Variants in HSF5 observed in about 807,000 individuals in gnomAD.
HSF5 encodes the protein heat shock transcription factor 5, also known as heat shock factor protein 5.
Under a neutral mutation model 50.8 loss-of-function variants are expected in HSF5, and 5 were observed. The ratio of observed to expected loss-of-function variants is 0.10; its 90% CI spans 0.05 to 0.21. The LOEUF is 0.21. HSF5 is among the 10% of genes least tolerant of loss of function. HSF5 has a pLI of 1.00. For synonymous variants in HSF5, 307 were observed against 307.4 expected, an observed-to-expected ratio of 1.00 and a Z score of 0.02; for missense variants, 564 against 762.6, an observed-to-expected ratio of 0.74 and a Z score of 3.07.
chr17:58,427,590 T>G (rs1011480358), intron 5 of HSF5, among the ~76,000 whole-genome samples: 1 of 152,240 alleles, frequency 6.6e-6, no homozygotes, highest in Middle Eastern at 3.2e-3. Flanking sequence ...TGAGAGATAC[T>G]CTTAATGATA....
In HSF5 at chr17:58,425,554, A is replaced by G. The variant is rs1974283915; in HGVS notation, c.1721-3124T>C. Among the ~76,000 whole-genome samples the G allele has an allele frequency of 6.8e-5, 10 of 146,212 alleles. No homozygotes were observed. The South Asian group carries it at 2.2e-3, about 33-fold the overall frequency. On this transcript the variant is annotated intron_variant, in intron 5 of 5. Coordinates refer to ENST00000323777, the MANE Select transcript of HSF5 (RefSeq NM_001080439.3). Reference sequence around the variant, plus strand: ...ATAGCCACTGCACTCCAGCCTGGGCAACATAGTAAGACCTCTATCTCAAAA... The same window carrying G: ...ATAGCCACTGCACTCCAGCCTGGGCGACATAGTAAGACCTCTATCTCAAAA...
chr17:58,484,993 C>T (rs562645761), intron 1 of HSF5, among the ~76,000 whole-genome samples: 5 of 143,186 alleles, frequency 3.5e-5, no homozygotes, highest in South Asian at 2.2e-4. Context: ...CTCACTCTGT[C>T]GCCCAGGCTG....
At chr17:58,460,327 T>A (rs1974773679) in intron 4 of HSF5, among the ~76,000 whole-genome samples, 1 of 152,180 alleles carries the variant, frequency 6.6e-6, no homozygotes, top group South Asian at 2.1e-4. Context: ...CCTAAGTTTC[T>A]TTCTTACAGT....
intron 2 of HSF5, among the ~76,000 whole-genome samples, chr17:58,467,200 C>T (rs1427090888): frequency 6.6e-6 from 1 of 152,158 alleles, no homozygotes; most frequent in Non-Finnish European, 1.5e-5. Flanking sequence ...TGTCTAATGT[C>T]TATTTTTATA....
chr17:58,426,131 T>C (rs1463001016), intron 5 of HSF5, among the ~76,000 whole-genome samples: 1 of 152,192 alleles, frequency 6.6e-6, no homozygotes, highest in African/African-American at 2.4e-5. Flanking sequence ...GTAGTAATTA[T>C]TGATAAGGAC....
intron 5 of HSF5, among the ~76,000 whole-genome samples, chr17:58,437,887 C>G (rs1974446808): frequency 6.6e-6 from 1 of 152,094 alleles, no homozygotes; most frequent in African/African-American, 2.4e-5. Context: ...ATTTTGAGTA[C>G]CTTTGGGAAT....
Position 58,420,241 on chromosome 17 carries a change from C to T in HSF5, c.*2119G>A, listed in dbSNP as rs1214132934. The T allele has an allele frequency of 6.6e-6, 1 of 152,188 alleles. No individual in the cohort carries two copies. Among genetic ancestry groups the T allele is most frequent in the African/African-American group, 2.4e-5 (1 of 41,442 alleles). The allele number at this position is 152,188 out of a possible 1,614,324, so 9.4% of individuals were successfully genotyped here. A position where few individuals can be genotyped will look rare whatever the true frequency, so the allele number is the denominator to read the frequency against. On this transcript the variant is annotated 3_prime_UTR_variant, in exon 6 of 6. Coordinates refer to ENST00000323777, the MANE Select transcript of HSF5 (RefSeq NM_001080439.3). ...CTTAAGGTGCTGAAATACTGAGGTA[C>T]TAGTCAGGAACCTTGTTAGTTGACT...
At chr17:58,477,634 G>C (rs1019036910) in intron 2 of HSF5, among the ~76,000 whole-genome samples, 1 of 151,106 alleles carries the variant, frequency 6.6e-6, no homozygotes, top group East Asian at 1.9e-4. Flanking sequence ...TAATTTTTTT[G>C]TATTTTTAGT....
At chr17:58,476,787 T>C in intron 2 of HSF5, 1 of 1,596,814 alleles carries the variant, frequency 6.3e-7, no homozygotes. Flanking sequence ...TGTTCTACTT[T>C]CAAAATCTCC....
At chr17:58,433,171 G>C (rs989750434) in intron 5 of HSF5, among the ~76,000 whole-genome samples, 2 of 152,116 alleles carry the variant, frequency 1.3e-5, no homozygotes, top group African/African-American at 4.8e-5. Context: ...CTGCCACCAA[G>C]CATGTTTTTT....
chr17:58,480,265 G>C lies in HSF5; in HGVS notation c.553C>G (p.Pro185Ala). ...CGGTGAAATTGTCCTACAGCCACTGGTCCTACATAAAAGAGGAAGAGCACA... is the reference window on the plus strand; with the variant it reads ...CGGTGAAATTGTCCTACAGCCACTGCTCCTACATAAAAGAGGAAGAGCACA... Reference protein sequence around the residue: ...PAGPRPEPHGPVAVGQFHRSF... With the variant: ...PAGPRPEPHGAVAVGQFHRSF... Residue 185 changes from proline (P) to alanine (A), a missense_variant and splice_region_variant, in exon 2 of 6, where the codon CCA becomes GCA. Physicochemically the swap from Pro to Ala is conservative, Grantham distance 27. Coordinates refer to ENST00000323777, the MANE Select transcript of HSF5 (RefSeq NM_001080439.3). 1 of 1,598,924 alleles carries C rather than the reference G, an allele frequency of 6.3e-7. No individual in the cohort carries two copies. Among genetic ancestry groups the C allele is most frequent in the Non-Finnish European group, 8.5e-7 (1 of 1,172,592 alleles).
intron 1 of HSF5, among the ~76,000 whole-genome samples, chr17:58,485,112 G>A (rs932825537): frequency 4.0e-5 from 6 of 151,562 alleles, no homozygotes; most frequent in African/African-American, 9.7e-5. Flanking sequence ...CCGCCACCAC[G>A]CCCAGCTAAT....
At chr17:58,467,585 T>C (rs777548634) in intron 2 of HSF5, among the ~76,000 whole-genome samples, 1 of 152,254 alleles carries the variant, frequency 6.6e-6, no homozygotes, top group Non-Finnish European at 1.5e-5. Context: ...TCTGTGTACC[T>C]CAGTTTCTGC....
At chr17:58,437,776 T>TA (rs1414803750) in intron 5 of HSF5, among the ~76,000 whole-genome samples, 5 of 152,204 alleles carry the variant, frequency 3.3e-5, no homozygotes, top group African/African-American at 4.8e-5. Flanking sequence ...GGTTGCACAG[T>TA]ATTTTATTAT....
intron 5 of HSF5, among the ~76,000 whole-genome samples, chr17:58,453,602 C>G (rs1180432386): frequency 6.9e-6 from 1 of 145,386 alleles, no homozygotes; most frequent in African/African-American, 2.6e-5. Flanking sequence ...CCATCTCAAA[C>G]AACAACAACA....
rs142842492 is a variant in HSF5, at chr17:58,467,227, C to T, written c.926-248G>A. Among the ~76,000 whole-genome samples the T allele has an allele frequency of 2.6e-5, 4 of 152,186 alleles. No individual in the cohort carries two copies. In the East Asian group the frequency reaches 7.7e-4, roughly 29 times the overall value. On this transcript the variant is annotated intron_variant, in intron 2 of 5. Transcript: ENST00000323777. ...ATTTTTATAAATCATTTCTTTAACACCTAAGCATTTTGTTACCTTTCTAAC... is the reference window on the plus strand; with the variant it reads ...ATTTTTATAAATCATTTCTTTAACATCTAAGCATTTTGTTACCTTTCTAAC...
intron 5 of HSF5, among the ~76,000 whole-genome samples, chr17:58,443,884 G>A (rs2143751073): frequency 6.6e-6 from 1 of 152,332 alleles, no homozygotes; most frequent in African/African-American, 2.4e-5. Context: ...AGTATGGGGA[G>A]GTAGTAGTCA....
rs939995602 is a variant in HSF5 at position 58,463,005 on chromosome 17, A to G, written c.1319T>C (p.Met440Thr). The stretch of plus-strand genomic sequence containing the variant: ...TTGTTCTGTTCCAACCACAAAAGAC[A>G]TAATATCTGAGCCTACAGGAGTAAG... ...EPLTPVGSDI[M>T]SFVVGTEQAV... The change falls in exon 4 of 6, where the codon ATG becomes ACG. Residue 440 changes from methionine (M) to threonine (T), a missense_variant. Physicochemically the swap from Met to Thr is moderately conservative, Grantham distance 81. Transcript: ENST00000323777. 2.5e-6 allele frequency: 4 copies of G among 1,614,270 alleles called. No individual in the cohort carries two copies. The highest frequency in any genetic ancestry group is 1.6e-4 in the Middle Eastern group (1 of 6,062).
At chr17:58,469,215 G>T (rs919052512) in intron 2 of HSF5, among the ~76,000 whole-genome samples, 2 of 151,796 alleles carry the variant, frequency 1.3e-5, no homozygotes, top group African/African-American at 4.8e-5. Context: ...GTACCAAAAA[G>T]CTGTGTTTCA....
Sources: allele counts gnomAD v4.1 joint callset (sites outside exome capture counted in the v4.1 genomes callset), GRCh38; gene constraint gnomAD v4.1.1; transcripts MANE v1.5; gene names NCBI Gene and HGNC (gene_info 2026-07-23, HGNC 2026-07-21).